The following PARP16 variants were observed in gnomAD, a reference collection of about 807,000 sequenced individuals.
PARP16 encodes poly(ADP-ribose) polymerase family member 16.
PARP16 carries 31 observed loss-of-function variants against 35.0 expected under a neutral mutation model. That is an observed-to-expected ratio of 0.88 (90% CI 0.66 to 1.19). The LOEUF is 1.19. PARP16 is among the 50% of genes most tolerant of loss of function. The pLI is 0.00. For synonymous variants in PARP16, 162 were observed against 169.5 expected (o/e 0.96, Z 0.34); for missense variants, 424 against 411.2 (o/e 1.03, Z -0.27).
rs866255489 is a variant in PARP16, at chr15:65,266,627, G to A, written c.454C>T (p.His152Tyr). The A allele has an allele frequency of 6.2e-7, 1 of 1,614,136 alleles. No individual in the cohort carries two copies. The highest frequency in any genetic ancestry group is 8.5e-7 in the Non-Finnish European group (1 of 1,179,990). Residue 152 changes from histidine to tyrosine, a missense_variant, in exon 3 of 6, where the codon CAT becomes TAT. By Grantham distance (83) the His-to-Tyr change is moderately conservative. Transcript: ENST00000649807. ...KGERDLIYAF[H>Y]GSRLENFHSI... ...TGGAAGTTTTCTAGGCGGCTACCAT[G>A]AAATGCATAGATTAGGTCTCGTTCT...
At chr15:65,242,887 G>A (rs2089115910) in intron 3 of PARP16, among the ~76,000 whole-genome samples, 2 of 151,830 alleles carry the variant, frequency 1.3e-5, no homozygotes, top group South Asian at 4.2e-4. Flanking sequence ...GCTAATTTTT[G>A]TATTTTTAGT....
At chr15:65,233,170 T>C (rs148278796), downstream of PARP16, among the ~76,000 whole-genome samples, 1,253 of 152,270 alleles carry the variant, frequency 8.2e-3, 22 homozygotes, top group African/African-American at 0.029. Flanking sequence ...TCCCAGCACT[T>C]TGGGAGGCCG....
At chr15:65,276,735 C>T (rs112042056) in intron 1 of PARP16, among the ~76,000 whole-genome samples, 2,362 of 152,128 alleles carry the variant, frequency 0.016, 73 homozygotes, top group African/African-American at 0.055. Flanking sequence ...AATCCCAGCA[C>T]TTTGGGAGGT....
intron 3 of PARP16, among the ~76,000 whole-genome samples, chr15:65,244,777 A>G (rs1240283716): frequency 1.3e-5 from 2 of 152,242 alleles, no homozygotes; most frequent in African/African-American, 4.8e-5. Context: ...GTAGACTAAC[A>G]GGATGGCCTA....
rs561719841 is a variant in PARP16 at position 65,251,134 on chromosome 15, T to C, written c.203-2906A>G. On this transcript the variant is annotated intron_variant and NMD_transcript_variant, in intron 2 of 3. Transcript: ENST00000559805. ...CCTGACTTCAAGTGATCTGCAGGCT[T>C]CAGCCTCCCAAAGTGCTGGGATTAC... 3.3e-5 allele frequency among the ~76,000 whole-genome samples: 5 copies of C among 152,246 alleles called. No homozygotes were observed. The South Asian group carries it at 8.3e-4, about 25-fold the overall frequency.
intron 1 of PARP16, chr15:65,285,660 G>T (rs748188050): frequency 1.1e-5 from 2 of 184,228 alleles, no homozygotes; most frequent in South Asian, 9.2e-5. Flanking sequence ...ATCGATTTTG[G>T]TAAGTTATAT....
chr15:65,260,849 C>G, intron 5 of PARP16, 36 bp downstream of exon 5: 1 of 1,602,372 alleles, frequency 6.2e-7, no homozygotes, highest in Non-Finnish European at 8.5e-7. Context: ...AGCCAGCACT[C>G]TGAATACAGC....
downstream of PARP16, among the ~76,000 whole-genome samples, chr15:65,253,154 AAAC>A (rs201048429): frequency 3.2e-5 from 3 of 94,414 alleles, no homozygotes; most frequent in Admixed American, 2.7e-4. Flanking sequence ...AAAACAAAAC[AAAC>A]AAAAAAAACA....
chr15:65,256,860 T>C (rs1350502502), downstream of PARP16, among the ~76,000 whole-genome samples: 2 of 152,142 alleles, frequency 1.3e-5, no homozygotes, highest in African/African-American at 4.8e-5. Context: ...CTGAAACACT[T>C]TTCCTCCACC....
chr15:65,273,276 CAAA>C (rs1233896826), intron 1 of PARP16, among the ~76,000 whole-genome samples: 2 of 57,526 alleles, frequency 3.5e-5, no homozygotes, highest in African/African-American at 5.2e-5. Flanking sequence ...GACTCTGTCT[CAAA>C]AAAAAAAAAA....
At chr15:65,279,720 C>T (rs2090361200) in intron 1 of PARP16, among the ~76,000 whole-genome samples, 1 of 152,160 alleles carries the variant, frequency 6.6e-6, no homozygotes, top group South Asian at 2.1e-4. Context: ...CATTTCCTCA[C>T]CATCCAGCAG....
At chr15:65,266,876 G>A (rs988852241) in intron 2 of PARP16, 108 bp from the exon 3 acceptor site, 18 of 753,132 alleles carry the variant, frequency 2.4e-5, no homozygotes, top group Non-Finnish European at 3.9e-5. Context: ...CTGCTCATGA[G>A]AACAACAGGT....
chr15:65,240,591 T>A (rs1449487704), intron 3 of PARP16, among the ~76,000 whole-genome samples: 1 of 152,192 alleles, frequency 6.6e-6, no homozygotes, highest in Non-Finnish European at 1.5e-5. Flanking sequence ...AGTATTTTTT[T>A]TATTGCTGAG....
intron 1 of PARP16, among the ~76,000 whole-genome samples, chr15:65,271,431 G>A (rs1053283401): frequency 6.6e-6 from 1 of 151,882 alleles, no homozygotes; most frequent in Non-Finnish European, 1.5e-5. Flanking sequence ...ACGCCACCAC[G>A]CCTGGCTACT....
downstream of PARP16, among the ~76,000 whole-genome samples, chr15:65,231,594 C>T (rs561983569): frequency 2.8e-4 from 42 of 151,922 alleles, no homozygotes; most frequent in African/African-American, 9.7e-4. Context: ...GGACTACAGG[C>T]GCACCACCAC....
At chr15:65,264,678 T>C (rs992138891) in intron 3 of PARP16, among the ~76,000 whole-genome samples, 2 of 152,216 alleles carry the variant, frequency 1.3e-5, no homozygotes, top group African/African-American at 4.8e-5. Context: ...TATGCCATCA[T>C]GTGTTCACCC....
At chr15:65,239,420 T>C (rs555384919) in intron 3 of PARP16, among the ~76,000 whole-genome samples, 4 of 21,724 alleles carry the variant, frequency 1.8e-4, no homozygotes, top group Admixed American at 8.8e-4. Context: ...AGCAAGACTT[T>C]GCCTAAAAAA....
At chr15:65,265,429 A>C (rs921022647) in intron 3 of PARP16, among the ~76,000 whole-genome samples, 2 of 152,222 alleles carry the variant, frequency 1.3e-5, no homozygotes, top group African/African-American at 4.8e-5. Context: ...AGAGCTGCTA[A>C]GTAAGTCTCT....
chr15:65,248,217 G>T (rs2089262985), exon 3 of PARP16: 1 of 456,488 alleles, frequency 2.2e-6, no homozygotes, highest in Non-Finnish European at 4.4e-6. Flanking sequence ...CACCTCTTCA[G>T]ATTCCCAGTG....
Sources: allele counts gnomAD v4.1 joint callset (sites outside exome capture counted in the v4.1 genomes callset), GRCh38; gene constraint gnomAD v4.1.1; transcripts MANE v1.5; gene names NCBI Gene and HGNC (gene_info 2026-07-23, HGNC 2026-07-21).